The following STXBP6 variants were observed in gnomAD, a reference collection of about 807,000 sequenced individuals.
STXBP6 encodes the protein syntaxin-binding protein 6.
In STXBP6, 21 loss-of-function variants were observed where a neutral mutation model predicts 26.9. The observed-to-expected ratio is 0.78, with a 90% CI of 0.55 to 1.12. STXBP6 has a LOEUF of 1.12. STXBP6 is among the 50% of genes most tolerant of loss of function. STXBP6 has a pLI of 0.00. For missense variants in STXBP6, 232 were observed against 257.9 expected (o/e 0.90, Z 0.69); for synonymous variants, 97 against 92.6 (o/e 1.05, Z -0.27).
intron 1 of STXBP6, among the ~76,000 whole-genome samples, chr14:24,996,639 G>A (rs1470061308): frequency 6.6e-6 from 1 of 151,770 alleles, no homozygotes; most frequent in Admixed American, 6.6e-5. Context: ...ATCAACTGAG[G>A]TCGCCAGTTT....
intron 2 of STXBP6, among the ~76,000 whole-genome samples, chr14:24,881,346 T>G (rs990421695): frequency 8.5e-5 from 13 of 152,282 alleles, no homozygotes; most frequent in Middle Eastern, 3.4e-3. Context: ...ACTCTTTAAA[T>G]AATGGCAGAA....
intron 2 of STXBP6, among the ~76,000 whole-genome samples, chr14:24,960,623 C>T (rs1470897221): frequency 6.6e-6 from 1 of 152,122 alleles, no homozygotes; most frequent in African/African-American, 2.4e-5. Flanking sequence ...CCGATGGGCA[C>T]GTTCTGCTTC....
At chr14:24,857,792 C>CT in intron 2 of STXBP6, among the ~76,000 whole-genome samples, 1 of 151,914 alleles carries the variant, frequency 6.6e-6, no homozygotes, top group Non-Finnish European at 1.5e-5. Context: ...ACAATTTCTT[C>CT]TCTCAGCCTC....
At chr14:24,885,644 A>T (rs72682921) in intron 2 of STXBP6, among the ~76,000 whole-genome samples, 18 of 152,356 alleles carry the variant, frequency 1.2e-4, no homozygotes, top group African/African-American at 1.7e-4. Context: ...CAGATGAATG[A>T]CATCCATTGT....
chr14:24,818,460 A>T (rs1031015782), intron 5 of STXBP6, among the ~76,000 whole-genome samples: 2 of 152,160 alleles, frequency 1.3e-5, no homozygotes, highest in Non-Finnish European at 2.9e-5. Context: ...CTGACAGCTC[A>T]GCGCTGGTCC....
intron 1 of STXBP6, among the ~76,000 whole-genome samples, chr14:25,006,028 T>C (rs2074889381): frequency 6.6e-6 from 1 of 152,206 alleles, no homozygotes; most frequent in African/African-American, 2.4e-5. Flanking sequence ...CATTCAGGAT[T>C]ATGACACTCA....
rs1594888225 is a variant in STXBP6 at position 24,812,086 on chromosome 14, A to C, written c.*623T>G. The C allele has an allele frequency of 1.4e-5, 2 of 146,316 alleles. No homozygotes were observed. The highest frequency in any genetic ancestry group is 5.0e-5 in the African/African-American group (2 of 39,856). 9.1% of individuals were successfully genotyped at this position (146,316 alleles called of 1,614,324 possible). On this transcript the variant is annotated 3_prime_UTR_variant, in exon 6 of 6. Transcript: ENST00000323944. Reference sequence around the variant, plus strand: ...AAAGAGATTTCTATCTGCGATTCTGATTTTTTTTTTTTTTTGAACGCTGGT... The same window carrying C: ...AAAGAGATTTCTATCTGCGATTCTGCTTTTTTTTTTTTTTTGAACGCTGGT...
intron 1 of STXBP6, among the ~76,000 whole-genome samples, chr14:24,988,644 C>G (rs1436538071): frequency 6.6e-6 from 1 of 152,210 alleles, no homozygotes; most frequent in Non-Finnish European, 1.5e-5. Context: ...AGAACATATG[C>G]CTGCTCCAGC....
At chr14:24,851,905 A>T (rs1251085337) in intron 4 of STXBP6, among the ~76,000 whole-genome samples, 1 of 152,160 alleles carries the variant, frequency 6.6e-6, no homozygotes, top group Non-Finnish European at 1.5e-5. Context: ...GTCCAGATAC[A>T]GCTGTGAAAA....
At chr14:24,894,464 G>C (rs2070908371) in intron 2 of STXBP6, among the ~76,000 whole-genome samples, 1 of 152,176 alleles carries the variant, frequency 6.6e-6, no homozygotes. Context: ...AACCAGGACA[G>C]CGTGGACTAG....
chr14:25,038,044 T>C (rs150840125), intron 1 of STXBP6, among the ~76,000 whole-genome samples: 121 of 152,124 alleles, frequency 8.0e-4, no homozygotes, highest in African/African-American at 2.9e-3. Context: ...TCTGTGGAAC[T>C]TTCATTGTGT....
intron 1 of STXBP6, among the ~76,000 whole-genome samples, chr14:25,020,048 A>G (rs2075233802): frequency 6.6e-6 from 1 of 152,122 alleles, no homozygotes; most frequent in South Asian, 2.1e-4. Context: ...CCTGATATAC[A>G]TTACACATGA....
intron 2 of STXBP6, among the ~76,000 whole-genome samples, chr14:24,955,939 G>C (rs2140090379): frequency 1.3e-5 from 2 of 152,254 alleles, no homozygotes; most frequent in South Asian, 4.2e-4. Context: ...GCACAGAGAG[G>C]GGGAGTAACT....
chr14:24,839,981 C>T (rs904379268), intron 4 of STXBP6, among the ~76,000 whole-genome samples: 3 of 152,122 alleles, frequency 2.0e-5, no homozygotes, highest in African/African-American at 7.2e-5. Flanking sequence ...TTTACTGACT[C>T]CTTATCATGT....
intron 4 of STXBP6, among the ~76,000 whole-genome samples, chr14:24,848,091 G>C (rs1349751787): frequency 6.6e-6 from 1 of 152,076 alleles, no homozygotes; most frequent in Non-Finnish European, 1.5e-5. Context: ...AGAAGAAAAG[G>C]CTTTTGATAA....
At chr14:25,023,798 G>C (rs2075300719) in intron 1 of STXBP6, among the ~76,000 whole-genome samples, 1 of 151,942 alleles carries the variant, frequency 6.6e-6, no homozygotes, top group African/African-American at 2.4e-5. Flanking sequence ...GCAATGGAAT[G>C]CAACAAAAAA....
At chr14:24,977,704 T>A (rs1418535486) in intron 1 of STXBP6, among the ~76,000 whole-genome samples, 1 of 152,372 alleles carries the variant, frequency 6.6e-6, no homozygotes, top group Non-Finnish European at 1.5e-5. Context: ...TTTTTATTAA[T>A]TCTCCTACTA....
intron 2 of STXBP6, among the ~76,000 whole-genome samples, chr14:24,946,275 C>G (rs2072987993): frequency 6.6e-6 from 1 of 152,030 alleles, no homozygotes; most frequent in South Asian, 2.1e-4. Flanking sequence ...TATAACAGTA[C>G]TAGAAATAGC....
intron 3 of STXBP6, among the ~76,000 whole-genome samples, chr14:24,856,627 T>C (rs951562048): frequency 1.4e-4 from 22 of 152,160 alleles, no homozygotes; most frequent in Middle Eastern, 3.4e-3. Flanking sequence ...CAATGCATAC[T>C]GAAAGATACC....
Sources: allele counts gnomAD v4.1 joint callset (sites outside exome capture counted in the v4.1 genomes callset), GRCh38; gene constraint gnomAD v4.1.1; transcripts MANE v1.5; gene names NCBI Gene and HGNC (gene_info 2026-07-23, HGNC 2026-07-21).